Variants in ACLY observed in about 807,000 individuals in gnomAD.
ACLY encodes ATP citrate lyase.
A neutral mutation model predicts 133.0 loss-of-function variants in ACLY; 41 were observed. That is an observed-to-expected ratio of 0.31 (90% CI 0.24 to 0.40). ACLY has a LOEUF of 0.40. ACLY is among the 10% of genes least tolerant of loss of function. The pLI is 1.00. For synonymous variants in ACLY, 495 were observed against 549.3 expected, an observed-to-expected ratio of 0.90 and a Z score of 1.38; for missense variants, 1,046 against 1,453.8, an observed-to-expected ratio of 0.72 and a Z score of 4.56.
chr17:41,873,169 A>G (rs1353088350), intron 23 of ACLY, among the ~76,000 whole-genome samples: 1 of 151,206 alleles, frequency 6.6e-6, no homozygotes, highest in Non-Finnish European at 1.5e-5. Context: ...AAGTGAACAC[A>G]AGGTACTTTT....
intron 1 of ACLY, among the ~76,000 whole-genome samples, chr17:41,918,207 G>A (rs1036635730): frequency 6.6e-6 from 1 of 152,174 alleles, no homozygotes; most frequent in Non-Finnish European, 1.5e-5. Flanking sequence ...GTGGCACCCC[G>A]GCCATCTGTC....
chr17:41,904,526 T>A (rs906223374), intron 10 of ACLY: 43 of 584,978 alleles, frequency 7.4e-5, no homozygotes, highest in Middle Eastern at 9.1e-4. Flanking sequence ...AGCAGCTGCT[T>A]GCCCAGAGAC....
exon 1 of ACLY, chr17:41,930,453 G>A (rs2050306798): frequency 2.6e-6 from 1 of 384,370 alleles, no homozygotes; most frequent in Non-Finnish European, 4.8e-6. Flanking sequence ...AGCAACTCCA[G>A]AGAGAACCGC....
chr17:41,913,927 G>A (rs782489088), intron 1 of ACLY, 31 bp from the exon 2 acceptor site: 2 of 1,607,774 alleles, frequency 1.2e-6, no homozygotes, highest in African/African-American at 2.7e-5. Flanking sequence ...GGTCAGAAGG[G>A]GGCAGGCGTG....
chr17:41,871,054 C>T (rs368470895), intron 25 of ACLY, among the ~76,000 whole-genome samples: 3 of 152,144 alleles, frequency 2.0e-5, no homozygotes, highest in Non-Finnish European at 2.9e-5. Context: ...ATTATCTAGC[C>T]GAAGGTGACC....
At chr17:41,902,333 C>G (rs1555631790) in intron 10 of ACLY, among the ~76,000 whole-genome samples, 2 of 152,234 alleles carry the variant, frequency 1.3e-5, no homozygotes, top group African/African-American at 4.8e-5. Flanking sequence ...CCTGTCTCAT[C>G]CTCCCGAGTA....
chr17:41,881,682 C>T (rs1263097154), intron 20 of ACLY, among the ~76,000 whole-genome samples: 2 of 151,946 alleles, frequency 1.3e-5, no homozygotes, highest in African/African-American at 4.8e-5. Flanking sequence ...CTGCATCCTC[C>T]GCCTCCCAGG....
intron 15 of ACLY, among the ~76,000 whole-genome samples, chr17:41,892,764 C>A (rs1296249276): frequency 3.3e-5 from 5 of 151,982 alleles, no homozygotes; most frequent in African/African-American, 1.2e-4. Flanking sequence ...GCAGCCTCAA[C>A]CTCCAAGGCT....
rs551640485 is a variant in ACLY at position 41,892,570 on chromosome 17, T to C, written c.1602-123A>G. The C allele has an allele frequency of 4.7e-6, 4 of 846,554 alleles. No homozygotes were observed. The South Asian group carries it at 5.2e-5, about 11-fold the overall frequency. 52.4% of individuals were successfully genotyped at this position (846,554 alleles called of 1,614,324 possible). ...GCATGGTCTGTGCCCTCAAAGAATT[T>C]TCATCTAAGGGACAAAGATCCCCCA... On this transcript the variant is annotated intron_variant, in intron 15 of 28. Coordinates refer to ENST00000352035, the MANE Select transcript of ACLY (RefSeq NM_001096.3).
chr17:41,874,731 G>A (rs782545586), intron 22 of ACLY, among the ~76,000 whole-genome samples: 24 of 151,378 alleles, frequency 1.6e-4, no homozygotes, highest in Non-Finnish European at 2.5e-4. Context: ...TTGCCACCAC[G>A]CCCAGCTAAT....
intron 2 of ACLY, 56 bp from the exon 3 acceptor site, chr17:41,912,598 T>C: frequency 6.2e-7 from 1 of 1,608,166 alleles, no homozygotes; most frequent in East Asian, 2.2e-5. Flanking sequence ...AACCGTAGTA[T>C]TTTGGGGATC....
At chr17:41,919,600 T>C (rs1044400653), upstream of ACLY, among the ~76,000 whole-genome samples, 2 of 152,166 alleles carry the variant, frequency 1.3e-5, no homozygotes, top group African/African-American at 4.8e-5. Context: ...CAAGTGGGGC[T>C]AGGAGGGTGC....
At chr17:41,914,976 C>T (rs532660286) in intron 1 of ACLY, among the ~76,000 whole-genome samples, 3 of 152,196 alleles carry the variant, frequency 2.0e-5, no homozygotes, top group South Asian at 2.1e-4. Flanking sequence ...ATCTCAGAGG[C>T]GTTAGGATAA....
chr17:41,913,582 T>C (rs1242343473), intron 2 of ACLY, 133 bp downstream of exon 2: 9 of 945,780 alleles, frequency 9.5e-6, no homozygotes, highest in African/African-American at 3.3e-5. Flanking sequence ...GCTCAGCCCA[T>C]GGCATGCTTC....
At chr17:41,911,497 G>C (rs1397819486) in intron 3 of ACLY, among the ~76,000 whole-genome samples, 1 of 152,222 alleles carries the variant, frequency 6.6e-6, no homozygotes, top group Non-Finnish European at 1.5e-5. Context: ...CTACGTGGTT[G>C]AAATTCATCA....
chr17:41,896,652 G>A lies in ACLY; in HGVS notation c.1430-3C>T. 1 of 1,573,092 alleles carries A rather than the reference G, an allele frequency of 6.4e-7. No individual in the cohort carries two copies. Among genetic ancestry groups the A allele is most frequent in the South Asian group, 1.2e-5 (1 of 83,744 alleles). On this transcript the variant is annotated splice_polypyrimidine_tract_variant and splice_region_variant and intron_variant, in intron 13 of 28. Transcript: ENST00000352035. ...GGATCTTGGACTTGGGACTGAATCT[G>A]TCAAAGAAAATGACCAAGGCAACTG...
intron 25 of ACLY, among the ~76,000 whole-genome samples, 187 bp from the exon 26 acceptor site, chr17:41,869,774 A>G (rs1353498119): frequency 1.3e-5 from 2 of 152,198 alleles, no homozygotes; most frequent in Non-Finnish European, 2.9e-5. Context: ...AAGTCCTCTC[A>G]TATCTCAATT....
At chr17:41,884,561 T>C (rs2049000927) in intron 18 of ACLY, among the ~76,000 whole-genome samples, 1 of 152,172 alleles carries the variant, frequency 6.6e-6, no homozygotes, top group African/African-American at 2.4e-5. Context: ...ACTTAGAAAG[T>C]ACGCCCTGGT....
intron 23 of ACLY, among the ~76,000 whole-genome samples, chr17:41,872,911 C>T (rs1365443464): frequency 6.6e-6 from 1 of 152,078 alleles, no homozygotes; most frequent in African/African-American, 2.4e-5. Context: ...TGTTATAACC[C>T]GTGAACTTTT....
Sources: gnomAD v4.1 joint callset for allele counts (sites outside exome capture counted in the v4.1 genomes callset) on GRCh38, gnomAD v4.1.1 for gene constraint, MANE v1.5 for transcripts, NCBI Gene and HGNC (gene_info 2026-07-23, HGNC 2026-07-21) for gene names.